The following CDH13 variants were observed in gnomAD, a reference collection of about 807,000 sequenced individuals.
CDH13 encodes cadherin 13.
Under a neutral mutation model 63.8 loss-of-function variants are expected in CDH13, and 24 were observed. The observed-to-expected ratio is 0.38, with a 90% CI of 0.27 to 0.53. The LOEUF (loss-of-function observed/expected upper bound fraction) is 0.53. Among genes scored for constraint, CDH13 ranks in the 20% least tolerant of loss-of-function variants. The probability of loss-of-function intolerance (pLI) is 0.85; values close to 1 mark genes in which losing one functional copy is unlikely to be tolerated. For missense variants in CDH13, 1,049 were observed against 903.1 expected (o/e 1.16, Z -2.07); for synonymous variants, 503 against 355.3 (o/e 1.42, Z -4.67).
chr16:82,874,321 C>G (rs1009166033), intron 2 of CDH13, among the ~76,000 whole-genome samples: 8 of 152,130 alleles, frequency 5.3e-5, no homozygotes, highest in African/African-American at 1.2e-4. Context: ...CTTAGTCGTG[C>G]TAAGATGTTG....
intron 11 of CDH13, among the ~76,000 whole-genome samples, chr16:83,750,251 A>G (rs549244620): frequency 2.0e-4 from 30 of 152,062 alleles, no homozygotes; most frequent in Non-Finnish European, 3.8e-4. Flanking sequence ...AGCCGAGATT[A>G]TGCCACTGCA....
chr16:82,951,860 A>G (rs1905343672), intron 2 of CDH13, among the ~76,000 whole-genome samples: 2 of 152,244 alleles, frequency 1.3e-5, no homozygotes, highest in South Asian at 2.1e-4. Context: ...TAAGTGTTCC[A>G]TTTCTTTCCC....
intron 5 of CDH13, among the ~76,000 whole-genome samples, chr16:83,304,984 A>G (rs1241217962): frequency 1.3e-5 from 2 of 152,228 alleles, no homozygotes; most frequent in South Asian, 2.1e-4. Flanking sequence ...TTAAGCTCCA[A>G]GTATGTGTAA....
intron 1 of CDH13, among the ~76,000 whole-genome samples, chr16:82,645,032 T>A (rs972095008): frequency 5.9e-5 from 9 of 152,178 alleles, no homozygotes; most frequent in Admixed American, 6.5e-5. Flanking sequence ...TGTAGTGTGT[T>A]TCAGTTTCAG....
intron 3 of CDH13, among the ~76,000 whole-genome samples, chr16:83,122,212 A>C (rs1466477535): frequency 6.6e-6 from 1 of 152,228 alleles, no homozygotes; most frequent in Admixed American, 6.5e-5. Flanking sequence ...AGGAAGTCTC[A>C]GCTTGGTGCT....
chr16:82,913,745 G>A (rs899584886), intron 2 of CDH13, among the ~76,000 whole-genome samples: 1 of 151,958 alleles, frequency 6.6e-6, no homozygotes, highest in Non-Finnish European at 1.5e-5. Flanking sequence ...CTCAACAGCC[G>A]TTCCAAGGAA....
intron 6 of CDH13, among the ~76,000 whole-genome samples, chr16:83,448,020 A>G (rs960633605): frequency 6.6e-5 from 10 of 152,164 alleles, no homozygotes; most frequent in Non-Finnish European, 4.4e-5. Context: ...ACTTGCCTGG[A>G]GCAGGTACTT....
At chr16:82,806,218 G>C (rs2037132678) in intron 1 of CDH13, among the ~76,000 whole-genome samples, 1 of 152,168 alleles carries the variant, frequency 6.6e-6, no homozygotes, top group Non-Finnish European at 1.5e-5. Context: ...TCAGAGAGAA[G>C]ACATGCCCTT....
At chr16:83,611,726 T>G (rs1205932945) in intron 8 of CDH13, among the ~76,000 whole-genome samples, 1 of 152,112 alleles carries the variant, frequency 6.6e-6, no homozygotes, top group Non-Finnish European at 1.5e-5. Context: ...GTATTTTCAT[T>G]ATCATTCAGA....
chr16:83,042,663 C>T (rs550688370), intron 3 of CDH13, among the ~76,000 whole-genome samples: 9 of 152,156 alleles, frequency 5.9e-5, no homozygotes, highest in East Asian at 5.8e-4. Flanking sequence ...TCTGTGGTGC[C>T]GAAAAAGGCT....
At chr16:83,533,185 C>T (rs530817531) in intron 7 of CDH13, among the ~76,000 whole-genome samples, 62 of 152,304 alleles carry the variant, frequency 4.1e-4, no homozygotes, top group African/African-American at 1.4e-3. Context: ...ATGCCAGCAG[C>T]TGGTGTCACG....
intron 5 of CDH13, among the ~76,000 whole-genome samples, chr16:83,284,686 T>C (rs947912513): frequency 6.6e-6 from 1 of 152,054 alleles, no homozygotes; most frequent in African/African-American, 2.4e-5. Context: ...CGTAATATAA[T>C]AATATAGTAA....
chr16:82,793,745 G>A (rs528254934), intron 1 of CDH13, among the ~76,000 whole-genome samples: 10 of 152,222 alleles, frequency 6.6e-5, no homozygotes, highest in South Asian at 6.2e-4. Context: ...TCAACAGGGC[G>A]CTCCCCAAGC....
intron 4 of CDH13, among the ~76,000 whole-genome samples, chr16:83,176,981 A>C (rs1010750231): frequency 1.3e-5 from 2 of 152,194 alleles, no homozygotes; most frequent in African/African-American, 4.8e-5. Context: ...CCCGGATGCC[A>C]TGATGAGGCA....
At chr16:83,403,408 G>A (rs2091997189) in intron 6 of CDH13, among the ~76,000 whole-genome samples, 1 of 152,096 alleles carries the variant, frequency 6.6e-6, no homozygotes, top group African/African-American at 2.4e-5. Context: ...TGGATCACGA[G>A]GTCAGGAGAT....
At chr16:83,688,730 G>C (rs16961297) in intron 10 of CDH13, among the ~76,000 whole-genome samples, 2,329 of 152,194 alleles carry the variant, frequency 0.015, 80 homozygotes, top group Admixed American at 0.073. Context: ...AAGCGGTGTT[G>C]TTCCATTGTA....
Position 82,941,161 on chromosome 16 carries a change from C to T in CDH13, c.157+82688C>T, listed in dbSNP as rs755174720. Among the ~76,000 whole-genome samples, 8 of 152,128 alleles carry T rather than the reference C, an allele frequency of 5.3e-5. No homozygotes were observed. The East Asian group carries it at 7.7e-4, about 15-fold the overall frequency. ...CAGAGTGAACAAAATGCCTAAATTCCGTTCATCCACATTCATTTATTTATT... is the reference window on the plus strand; with the variant it reads ...CAGAGTGAACAAAATGCCTAAATTCTGTTCATCCACATTCATTTATTTATT... On this transcript the variant is annotated intron_variant, in intron 2 of 13. Transcript: ENST00000567109.
intron 1 of CDH13, among the ~76,000 whole-genome samples, chr16:82,665,471 G>A (rs143057031): frequency 1.6e-3 from 247 of 152,290 alleles, no homozygotes; most frequent in African/African-American, 5.5e-3. Context: ...TCTACTAGGA[G>A]CAATGGTTCA....
chr16:83,715,080 T>C (rs573971808), intron 10 of CDH13, among the ~76,000 whole-genome samples: 50 of 152,270 alleles, frequency 3.3e-4, no homozygotes, highest in Non-Finnish European at 5.3e-4. Context: ...TTAGAGTATT[T>C]CTTCATTCGT....
Sources: allele counts gnomAD v4.1 joint callset (sites outside exome capture counted in the v4.1 genomes callset), GRCh38; gene constraint gnomAD v4.1.1; transcripts MANE v1.5; gene names NCBI Gene and HGNC (gene_info 2026-07-23, HGNC 2026-07-21).